Variants in KLHL23 observed in about 807,000 individuals in gnomAD.
KLHL23 encodes kelch-like protein 23.
In KLHL23, 33 loss-of-function variants were observed where a neutral mutation model predicts 48.9. The observed-to-expected ratio is 0.67, with a 90% CI of 0.51 to 0.90. The LOEUF is 0.90. KLHL23 is among the 40% of genes least tolerant of loss of function. The probability of loss-of-function intolerance (pLI) is 0.00; values close to 1 mark genes in which losing one functional copy is unlikely to be tolerated. For missense variants in KLHL23, 608 were observed against 669.6 expected (o/e 0.91, Z 1.02); for synonymous variants, 234 against 231.6 (o/e 1.01, Z -0.09).
rs1268052281 is a variant in KLHL23, at chr2:169,749,577, G to A, written c.1522G>A (p.Gly508Arg). 2 of 1,614,050 alleles carry A rather than the reference G, an allele frequency of 1.2e-6. No individual in the cohort carries two copies. Among genetic ancestry groups the A allele is most frequent in the Non-Finnish European group, 1.7e-6 (2 of 1,180,024 alleles). Reference sequence around the variant, plus strand: ...GGAGTGCGGTGCCGTCATCATGAATGGATGTATTTATGTCACTGGAGGATA... The same window carrying A: ...GGAGTGCGGTGCCGTCATCATGAATAGATGTATTTATGTCACTGGAGGATA... ...RMECGAVIMN[G>R]CIYVTGGYSY... The change falls in exon 4 of 4, where the codon GGA (glycine) becomes AGA (arginine). Residue 508 changes from glycine (G) to arginine (R), a missense_variant. This residue lies in a region of KLHL23 where 179 missense variants were observed against 169.9 expected (regional missense o/e 1.05). Coordinates refer to ENST00000392647, the MANE Select transcript of KLHL23 (RefSeq NM_144711.6).
intron 3 of KLHL23, among the ~76,000 whole-genome samples, chr2:169,748,784 C>T (rs963363981): frequency 1.9e-5 from 2 of 107,214 alleles, no homozygotes; most frequent in African/African-American, 6.9e-5. Context: ...CCCCCCCCCC[C>T]CCATATACAT....
chr2:169,734,874 A>G (rs80200236), intron 1 of KLHL23, 139 bp from the exon 2 acceptor site: 40,621 of 1,169,280 alleles, frequency 0.035, 889 homozygotes, highest in East Asian at 0.094. Flanking sequence ...CAGTCCATCC[A>G]CATTTTGCAT....
intron 3 of KLHL23, among the ~76,000 whole-genome samples, chr2:169,746,005 G>A (rs1242921715): frequency 6.6e-6 from 1 of 152,188 alleles, no homozygotes; most frequent in African/African-American, 2.4e-5. Context: ...GGATGAATAA[G>A]ATGCCTTGGT....
rs551495486 is a variant in KLHL23, at chr2:169,749,913, T to A, written c.*181T>A. The A allele has an allele frequency of 2.9e-4, 64 of 218,862 alleles. No homozygotes were observed. The highest frequency in any genetic ancestry group is 2.5e-3 in the African/African-American group (56 of 22,814). 13.6% of individuals were successfully genotyped at this position (218,862 alleles called of 1,614,324 possible). The stretch of plus-strand genomic sequence containing the variant: ...TGGTGATTCATGGTCAAGAAAAATC[T>A]TATATATATATATATATACACACAC... On this transcript the variant is annotated 3_prime_UTR_variant, in exon 4 of 4. Transcript: ENST00000392647.
chr2:169,735,307 C>T lies in KLHL23; in HGVS notation c.293C>T (p.Ser98Phe). The change falls in exon 2 of 4, where the codon TCC becomes TTC. Residue 98 changes from serine (S) to phenylalanine (F), a missense_variant. By Grantham distance (155) the Ser-to-Phe change is radical. Around this residue, in one of 3 missense-constraint regions of KLHL23, gnomAD observed 419 missense variants for 473.1 expected, o/e 0.89. Transcript: ENST00000392647. This position sits in a 1 kb window ranked among gnomAD's most constrained non-coding sequence, Gnocchi z 4.5. Reference sequence around the variant, plus strand: ...GGCCTTGTAAATTATGCATACACTTCCCAAATTGAAATAACTAAAAGAAAT... The same window carrying T: ...GGCCTTGTAAATTATGCATACACTTTCCAAATTGAAATAACTAAAAGAAAT... ...LEGLVNYAYT[S>F]QIEITKRNVQ... The T allele has an allele frequency of 1.2e-6, 2 of 1,613,560 alleles. No individual in the cohort carries two copies. Among genetic ancestry groups the T allele is most frequent in the Non-Finnish European group, 1.7e-6 (2 of 1,179,938 alleles).
At position 169,749,755 on chromosome 2, in the gene KLHL23, G is replaced by A. The variant is rs1558951801; in HGVS notation, c.*23G>A. Reference sequence around the variant, plus strand: ...TAATTGAATCTGCAGAAATGACCAAGCAATCACTTTTTTGGAGTATAGTTT... The same window carrying A: ...TAATTGAATCTGCAGAAATGACCAAACAATCACTTTTTTGGAGTATAGTTT... On this transcript the variant is annotated 3_prime_UTR_variant, in exon 4 of 4. Coordinates refer to ENST00000392647, the MANE Select transcript of KLHL23 (RefSeq NM_144711.6). 9.6e-6 allele frequency: 15 copies of A among 1,564,720 alleles called. No homozygotes were observed. The highest frequency in any genetic ancestry group is 1.3e-5 in the Non-Finnish European group (15 of 1,150,746).
rs1395827799 is a variant in KLHL23 at position 169,741,471 on chromosome 2, G to C, written c.1300G>C (p.Asp434His). The change falls in exon 3 of 4, where the codon GAC becomes CAC. Residue 434 changes from aspartate to histidine, a missense_variant. Asp to His is a moderately conservative substitution (Grantham distance 81). Transcript: ENST00000392647. The stretch of plus-strand genomic sequence containing the variant: ...TGGCTACAGAGGAAGCTGCACCTAT[G>C]ACAAAGTTCAGAGCTACAATTCCGA... ...HCGYRGSCTY[D>H]KVQSYNSDIN... The C allele has an allele frequency of 3.1e-6, 5 of 1,613,858 alleles. No homozygotes were observed. Among genetic ancestry groups the C allele is most frequent in the Non-Finnish European group, 4.2e-6 (5 of 1,179,934 alleles).
intron 3 of KLHL23, among the ~76,000 whole-genome samples, chr2:169,744,839 GAGCCACCACAACC>G (rs1455337507): frequency 6.6e-6 from 1 of 151,892 alleles, no homozygotes; most frequent in Non-Finnish European, 1.5e-5. Context: ...TTACAGGCTT[GAGCCACCACAACC>G]AGCTCAGTCT....
Position 169,749,756 on chromosome 2 carries a change from C to T in KLHL23, c.*24C>T. 6.4e-7 allele frequency: 1 copy of T among 1,563,496 alleles called. No individual in the cohort carries two copies. Among genetic ancestry groups the T allele is most frequent in the South Asian group, 1.2e-5 (1 of 84,694 alleles). ...AATTGAATCTGCAGAAATGACCAAG[C>T]AATCACTTTTTTGGAGTATAGTTTT... On this transcript the variant is annotated 3_prime_UTR_variant, in exon 4 of 4. Transcript: ENST00000392647.
chr2:169,747,157 T>C (rs961575854), intron 3 of KLHL23, among the ~76,000 whole-genome samples: 5 of 150,996 alleles, frequency 3.3e-5, no homozygotes, highest in Non-Finnish European at 7.4e-5. Flanking sequence ...AGTCCAGGAG[T>C]TCAAGACTAG....
chr2:169,748,934 G>T (rs1688874323), intron 3 of KLHL23, among the ~76,000 whole-genome samples: 1 of 152,144 alleles, frequency 6.6e-6, no homozygotes, highest in Non-Finnish European at 1.5e-5. Flanking sequence ...AACTGGACTG[G>T]CAGTGTGAGA....
rs1688504349 is a variant in KLHL23 at position 169,735,973 on chromosome 2, C to A, written c.959C>A (p.Pro320His). ...AGCTATGGTGTTACATGTTTAGGAC[C>A]CAACATTTATGTAACTGGGGGCTAC... ...RESYGVTCLG[P>H]NIYVTGGYRT... Residue 320 changes from proline to histidine, a missense_variant, in exon 2 of 4, where the codon CCC becomes CAC. By Grantham distance (77) the Pro-to-His change is moderately conservative (BLOSUM62 -2). This residue lies in a region of KLHL23 where 419 missense variants were observed against 473.1 expected (regional missense o/e 0.89). Coordinates refer to ENST00000392647, the MANE Select transcript of KLHL23 (RefSeq NM_144711.6). The surrounding 1 kb of genome is among the most constrained non-coding windows in gnomAD (Gnocchi z 4.5). 1 of 1,614,060 alleles carries A rather than the reference C, an allele frequency of 6.2e-7. No homozygotes were observed. The highest frequency in any genetic ancestry group is 1.7e-5 in the Admixed American group (1 of 60,004).
chr2:169,738,497 C>T (rs1185717442), intron 2 of KLHL23, among the ~76,000 whole-genome samples: 1 of 152,102 alleles, frequency 6.6e-6, no homozygotes, highest in African/African-American at 2.4e-5. Context: ...GAAATAGCAG[C>T]TTTCTCTGGT....
Position 169,751,298 on chromosome 2 carries a change from C to T in KLHL23, c.*1566C>T, listed in dbSNP as rs1688963561. 2.6e-5 allele frequency: 4 copies of T among 152,090 alleles called. No homozygotes were observed. In the South Asian group the frequency reaches 8.3e-4, roughly 32 times the overall value. 9.4% of individuals were successfully genotyped at this position (152,090 alleles called of 1,614,324 possible). ...ACACTCTTCATTTTTTAAAAAGAGA[C>T]AATAATTATTTTTAACTCACTGAAG... is the stretch of plus-strand genomic sequence containing the variant. On this transcript the variant is annotated 3_prime_UTR_variant, in exon 4 of 4. Transcript: ENST00000392647.
At chr2:169,740,479 C>T (rs1382277615) in intron 2 of KLHL23, among the ~76,000 whole-genome samples, 5 of 145,976 alleles carry the variant, frequency 3.4e-5, no homozygotes, top group East Asian at 2.0e-4. Context: ...GACGGAGTCT[C>T]GCTCTGTCAC....
rs1574519380 is a variant in KLHL23, at chr2:169,735,746, C to T, written c.732C>T (p.Ser244=). ...YLKTALGLQR[S]CLLTENKIRS... is the part of the protein sequence containing the mutation. ...AAACAGCCTTAGGCCTTCAAAGAAG[C>T]TGCCTGCTCACCGAAAATAAGATCC... is the stretch of plus-strand genomic sequence containing the variant. Residue 244 remains serine (S), a synonymous_variant, in exon 2 of 4, where the codon AGC becomes AGT. Transcript: ENST00000392647. The surrounding 1 kb of genome is among the most constrained non-coding windows in gnomAD (Gnocchi z 4.5). 6.2e-7 allele frequency: 1 copy of T among 1,614,036 alleles called. No homozygotes were observed. Among genetic ancestry groups the T allele is most frequent in the Non-Finnish European group, 8.5e-7 (1 of 1,180,034 alleles).
In KLHL23 at chr2:169,740,939, C is replaced by T. The variant is rs1285706481; in HGVS notation, c.1214-446C>T. 5 of 152,786 alleles carry T rather than the reference C, an allele frequency of 3.3e-5. No homozygotes were observed. The East Asian group carries it at 9.7e-4, about 30-fold the overall frequency. The allele number at this position is 152,786 out of a possible 1,614,324, so 9.5% of individuals were successfully genotyped here. A position where few individuals can be genotyped will look rare whatever the true frequency, so the allele number is the denominator to read the frequency against. ...TGTCTTCCACCTCCACATCTTGTCC[C>T]ACTTGCAGGCTTTCAAGGGCAATAA... is the stretch of plus-strand genomic sequence containing the variant. On this transcript the variant is annotated intron_variant, in intron 2 of 3. Transcript: ENST00000392647.
intron 2 of KLHL23, among the ~76,000 whole-genome samples, chr2:169,737,084 C>T (rs933091342): frequency 6.6e-6 from 1 of 152,196 alleles, no homozygotes; most frequent in Non-Finnish European, 1.5e-5. Flanking sequence ...GCATCCAGAT[C>T]CCTGCTTTCC....
In KLHL23 at chr2:169,735,655, A is replaced by G; in HGVS notation, c.641A>G (p.Asn214Ser). 2 of 1,614,012 alleles carry G rather than the reference A, an allele frequency of 1.2e-6. No individual in the cohort carries two copies. The highest frequency in any genetic ancestry group is 1.7e-5 in the Admixed American group (1 of 60,016). The change falls in exon 2 of 4, where the codon AAT becomes AGT. Residue 214 changes from asparagine to serine, a missense_variant. Transcript: ENST00000392647. This position sits in a 1 kb window ranked among gnomAD's most constrained non-coding sequence, Gnocchi z 4.5. ...AAGTGGACTGCTCATGATGTAGAAA[A>G]TCGAATTGAATGCCTCTATAATCTA... ...VIKWTAHDVE[N>S]RIECLYNLLS...
Sources: gnomAD v4.1 joint callset for allele counts (sites outside exome capture counted in the v4.1 genomes callset) on GRCh38, gnomAD v4.1.1 for gene constraint, gnomAD v4.1.1 regional missense constraint, Gnocchi (gnomAD v3.1) non-coding constraint, MANE v1.5 for transcripts, NCBI Gene and HGNC (gene_info 2026-07-23, HGNC 2026-07-21) for gene names.